SCFD2: variants seen among roughly 807,000 people sequenced by gnomAD.
The protein encoded by SCFD2 is sec1 family domain-containing protein 2.
In SCFD2, 54 loss-of-function variants were observed where a neutral mutation model predicts 58.9. The ratio of observed to expected loss-of-function variants is 0.92; its 90% CI spans 0.74 to 1.15. SCFD2 has a LOEUF of 1.15. SCFD2 is among the 50% of genes most tolerant of loss of function. The pLI is 0.00. For synonymous variants in SCFD2, 321 were observed against 335.9 expected (o/e 0.96, Z 0.49); for missense variants, 805 against 836.6 (o/e 0.96, Z 0.47).
intron 3 of SCFD2, among the ~76,000 whole-genome samples, chr4:53,288,897 T>C (rs1242325224): frequency 6.6e-6 from 1 of 152,210 alleles, no homozygotes; most frequent in Non-Finnish European, 1.5e-5. Context: ...AAACTTCTAC[T>C]ATGAAAGTTA....
chr4:52,930,612 G>A (rs1357942889), intron 5 of SCFD2, among the ~76,000 whole-genome samples: 1 of 152,098 alleles, frequency 6.6e-6, no homozygotes, highest in Non-Finnish European at 1.5e-5. Context: ...CTGCCTAAGC[G>A]AAAAATCTCT....
chr4:53,191,459 T>C (rs1727889969), intron 4 of SCFD2, among the ~76,000 whole-genome samples: 1 of 151,962 alleles, frequency 6.6e-6, no homozygotes, highest in Non-Finnish European at 1.5e-5. Context: ...CAGGCTGGAG[T>C]GCAGTGGCAC....
At chr4:52,888,438 C>T (rs1377957780) in intron 7 of SCFD2, among the ~76,000 whole-genome samples, 4 of 152,144 alleles carry the variant, frequency 2.6e-5, no homozygotes, top group Non-Finnish European at 4.4e-5. Context: ...CTGTTTCCCC[C>T]GACCAATTTG....
In SCFD2 at chr4:53,319,032, C is replaced by T. The variant is rs566223358; in HGVS notation, c.1008-5269G>A. On this transcript the variant is annotated intron_variant, in intron 2 of 8. Coordinates refer to ENST00000401642, the MANE Select transcript of SCFD2 (RefSeq NM_152540.4). ...AAACCCAGTAATCTTAATACTATAC[C>T]ATGCCATGCTTATATTATGCAAATC... 1.1e-4 allele frequency among the ~76,000 whole-genome samples: 16 copies of T among 152,260 alleles called. No homozygotes were observed. In the South Asian group the frequency reaches 2.9e-3, roughly 28 times the overall value.
At chr4:53,248,165 C>T (rs990859526) in intron 4 of SCFD2, among the ~76,000 whole-genome samples, 18 of 152,280 alleles carry the variant, frequency 1.2e-4, no homozygotes, top group East Asian at 5.8e-4. Flanking sequence ...GGGTGACAGA[C>T]GGCACCTTGA....
chr4:53,327,158 G>A (rs1182124165), intron 2 of SCFD2, among the ~76,000 whole-genome samples: 2 of 152,050 alleles, frequency 1.3e-5, no homozygotes, highest in African/African-American at 4.8e-5. Context: ...AGAGGGGTGA[G>A]CGGGTATCGT....
intron 4 of SCFD2, among the ~76,000 whole-genome samples, chr4:53,180,053 GAGACTTTAA>G (rs1727492341): frequency 6.6e-6 from 1 of 152,124 alleles, no homozygotes; most frequent in Non-Finnish European, 1.5e-5. Context: ...ATAATAGTAG[GAGACTTTAA>G]CACCCCACTG....
At chr4:53,232,246 T>C (rs894471478) in intron 4 of SCFD2, among the ~76,000 whole-genome samples, 1 of 152,126 alleles carries the variant, frequency 6.6e-6, no homozygotes, top group African/African-American at 2.4e-5. Context: ...GGCTGCACCA[T>C]CCCTATGTGG....
At chr4:53,194,946 G>A (rs1023404143) in intron 4 of SCFD2, among the ~76,000 whole-genome samples, 4 of 152,206 alleles carry the variant, frequency 2.6e-5, no homozygotes, top group African/African-American at 9.6e-5. Flanking sequence ...CAATGGATTT[G>A]AACTGGACAG....
intron 5 of SCFD2, among the ~76,000 whole-genome samples, chr4:53,032,266 C>A (rs1337382001): frequency 6.6e-6 from 1 of 152,158 alleles, no homozygotes; most frequent in Non-Finnish European, 1.5e-5. Context: ...ACCAGGCATG[C>A]CTTACAAGAG....
intron 4 of SCFD2, among the ~76,000 whole-genome samples, chr4:53,237,953 G>T (rs1240371810): frequency 7.3e-5 from 9 of 122,948 alleles, no homozygotes; most frequent in African/African-American, 2.7e-4. Context: ...CCGGGCGAGG[G>T]GCTGACCCCC....
In SCFD2 at chr4:53,231,362, G is replaced by A. The variant is rs750882475; in HGVS notation, c.1311+42464C>T. Among the ~76,000 whole-genome samples the A allele has an allele frequency of 3.9e-5, 6 of 152,052 alleles. No homozygotes were observed. The East Asian group carries it at 5.8e-4, about 15-fold the overall frequency. On this transcript the variant is annotated intron_variant, in intron 4 of 8. Transcript: ENST00000401642. ...TTCAGCCTTGCTGTCAAAGCATGGC[G>A]TCTGGTGTCTAATAGGTGGCTCGAT...
chr4:53,177,323 A>G (rs979339879), intron 4 of SCFD2, among the ~76,000 whole-genome samples: 1 of 152,186 alleles, frequency 6.6e-6, no homozygotes, highest in Non-Finnish European at 1.5e-5. Context: ...CCAATCCACA[A>G]TTGAGGTATC....
intron 7 of SCFD2, among the ~76,000 whole-genome samples, chr4:52,900,842 G>A (rs376958526): frequency 9.9e-5 from 15 of 152,282 alleles, no homozygotes; most frequent in African/African-American, 2.9e-4. Context: ...GAGCAATGGC[G>A]GGCACCCCTC....
intron 5 of SCFD2, among the ~76,000 whole-genome samples, chr4:53,058,480 A>G (rs1322638842): frequency 1.3e-5 from 2 of 152,156 alleles, no homozygotes; most frequent in African/African-American, 4.8e-5. Context: ...CAAAGTCCAT[A>G]TAGCAGTGGG....
chr4:53,236,808 TTTTATTTATTTATTTATTTATTTA>T (rs141143179), intron 4 of SCFD2, among the ~76,000 whole-genome samples: 1 of 138,300 alleles, frequency 7.2e-6, no homozygotes, highest in Non-Finnish European at 1.6e-5. Context: ...AAAGTCACTG[TTTTATTTATTTATTTATTTATTTA>T]TTTATTTATT....
chr4:53,036,440 A>C (rs1397270920), intron 5 of SCFD2, among the ~76,000 whole-genome samples: 2 of 151,852 alleles, frequency 1.3e-5, no homozygotes, highest in South Asian at 4.2e-4. Context: ...TTTGGAACCA[A>C]CGCAAATGTC....
chr4:53,179,208 C>T (rs1263277128), intron 4 of SCFD2, among the ~76,000 whole-genome samples: 1 of 152,098 alleles, frequency 6.6e-6, no homozygotes, highest in East Asian at 1.9e-4. Flanking sequence ...TCAGATTCAC[C>T]AAAGTTGAAA....
At chr4:53,303,985 G>A (rs1351657450) in intron 3 of SCFD2, among the ~76,000 whole-genome samples, 2 of 150,366 alleles carry the variant, frequency 1.3e-5, no homozygotes, top group African/African-American at 4.9e-5. Context: ...ATAGCATTAG[G>A]AGATATATCT....
Sources: gnomAD v4.1 joint callset for allele counts (sites outside exome capture counted in the v4.1 genomes callset) on GRCh38, gnomAD v4.1.1 for gene constraint, MANE v1.5 for transcripts, NCBI Gene and HGNC (gene_info 2026-07-23, HGNC 2026-07-21) for gene names.